Variants in RNF34 observed in about 807,000 individuals in gnomAD.
RNF34 encodes the protein ring finger protein 34, also known as E3 ubiquitin-protein ligase RNF34.
A neutral mutation model predicts 37.9 loss-of-function variants in RNF34; 12 were observed. That is an observed-to-expected ratio of 0.32 (90% CI 0.20 to 0.51). The LOEUF (loss-of-function observed/expected upper bound fraction) is 0.51, where lower values mean the gene tolerates loss of function less well. Ranked by LOEUF, RNF34 falls within the 20% of genes least tolerant of loss-of-function variation. RNF34 has a pLI of 0.97. For synonymous variants in RNF34, 155 were observed against 177.2 expected, an observed-to-expected ratio of 0.87 and a Z score of 1.00; for missense variants, 362 against 472.7, an observed-to-expected ratio of 0.77 and a Z score of 2.17.
rs782195428 is a variant in RNF34, at chr12:121,400,230, G to A, written c.6+12G>A. 1.9e-6 allele frequency: 3 copies of A among 1,608,686 alleles called. No individual in the cohort carries two copies. The South Asian group carries it at 3.3e-5, about 18-fold the overall frequency. On this transcript the variant is annotated intron_variant, in intron 1 of 5. Coordinates refer to ENST00000361234, the MANE Select transcript of RNF34 (RefSeq NM_025126.4). ...TCGCGGCCATGAAGGTGAGGGGCCG[G>A]TGGAGCCGGACAGACCCTCCTCGCC...
In RNF34 at chr12:121,417,620, G is replaced by C. The variant is rs916845526; in HGVS notation, c.342G>C (p.Gln114His). Residue 114 changes from glutamine to histidine, a missense_variant, in exon 3 of 6, where the codon CAG (glutamine) becomes CAC (histidine). Transcript: ENST00000361234. The surrounding 1 kb of genome is among the most constrained non-coding windows in gnomAD (Gnocchi z 5.0). ...AAGAGACAGCATTTCAGCGCCCTCA[G>C]TTAATGCGACTGAAGGTGAAGGACC... ...LLQETAFQRP[Q>H]LMRLKVKDLR... 18 of 1,614,088 alleles carry C rather than the reference G, an allele frequency of 1.1e-5. No homozygotes were observed. The highest frequency in any genetic ancestry group is 1.5e-5 in the Non-Finnish European group (18 of 1,180,036).
chr12:121,401,105 G>A (rs782512887), intron 1 of RNF34, among the ~76,000 whole-genome samples: 1 of 152,014 alleles, frequency 6.6e-6, no homozygotes, highest in South Asian at 2.1e-4. Context: ...TCTAGCAGGT[G>A]AGCTGCTAGA....
chr12:121,415,673 A>C lies in RNF34; in HGVS notation c.7-486A>C, dbSNP rs1426038548. On this transcript the variant is annotated intron_variant, in intron 1 of 5. Coordinates refer to ENST00000361234, the MANE Select transcript of RNF34 (RefSeq NM_025126.4). ...ATTGATGTTATTTCTGTTAAATAAT[A>C]GCTGAGAAAATCTGCCTTAGACTGT... Among the ~76,000 whole-genome samples the C allele has an allele frequency of 2.6e-5, 4 of 152,082 alleles. No homozygotes were observed. The East Asian group carries it at 7.7e-4, about 29-fold the overall frequency.
chr12:121,418,157 G>A (rs1871750720), intron 3 of RNF34: 2 of 502,264 alleles, frequency 4.0e-6, no homozygotes, highest in Non-Finnish European at 7.1e-6. Flanking sequence ...CTTGGCCTTA[G>A]TTAATTTCTC....
intron 1 of RNF34, among the ~76,000 whole-genome samples, chr12:121,409,255 T>G (rs1870827284): frequency 6.6e-6 from 1 of 152,152 alleles, no homozygotes; most frequent in Admixed American, 6.6e-5. Flanking sequence ...GCTGGGATTA[T>G]AGGCATGGAC....
rs1871678224 is a variant in RNF34 at position 121,417,451 on chromosome 12, T to C, written c.226-53T>C. The C allele has an allele frequency of 6.7e-7, 1 of 1,484,336 alleles. No homozygotes were observed. The highest frequency in any genetic ancestry group is 1.4e-5 in the African/African-American group (1 of 70,890). The allele number at this position is 1,484,336 out of a possible 1,614,324, so 91.9% of individuals were successfully genotyped here. A position where few individuals can be genotyped will look rare whatever the true frequency, so the allele number is the denominator to read the frequency against. ...TAGTAGAAGGCAGAAAGAAAACTCATGCTTTCATAATGGTTTATATCTTGC... is the reference window on the plus strand; with the variant it reads ...TAGTAGAAGGCAGAAAGAAAACTCACGCTTTCATAATGGTTTATATCTTGC... On this transcript the variant is annotated intron_variant, in intron 2 of 5. Transcript: ENST00000361234. The surrounding 1 kb of genome is among the most constrained non-coding windows in gnomAD (Gnocchi z 5.0).
chr12:121,404,162 A>ATT (rs372156640), intron 1 of RNF34, among the ~76,000 whole-genome samples: 1 of 144,050 alleles, frequency 6.9e-6, no homozygotes. Context: ...TGCCCGGCTA[A>ATT]TTTTTTTTTT....
chr12:121,423,701 G>C lies in RNF34; in HGVS notation c.*125G>C. On this transcript the variant is annotated 3_prime_UTR_variant, in exon 6 of 6. Transcript: ENST00000361234. This position sits in a 1 kb window ranked among gnomAD's most constrained non-coding sequence, Gnocchi z 4.3. ...TTTAAAACATTATTTTGACTACTAAGTGGGGACAGAAAGATCCATCCTGAG... is the reference window on the plus strand; with the variant it reads ...TTTAAAACATTATTTTGACTACTAACTGGGGACAGAAAGATCCATCCTGAG... 1 of 826,934 alleles carries C rather than the reference G, an allele frequency of 1.2e-6. No individual in the cohort carries two copies. The highest frequency in any genetic ancestry group is 1.9e-6 in the Non-Finnish European group (1 of 531,666). 51.2% of individuals were successfully genotyped at this position (826,934 alleles called of 1,614,324 possible). A position where few individuals can be genotyped will look rare whatever the true frequency, so the allele number is the denominator to read the frequency against.
intron 1 of RNF34, among the ~76,000 whole-genome samples, chr12:121,413,100 A>T (rs1871245776): frequency 6.6e-6 from 1 of 151,062 alleles, no homozygotes. Flanking sequence ...ATCTAGGCTC[A>T]CTGCAACCTC....
intron 5 of RNF34, among the ~76,000 whole-genome samples, chr12:121,421,316 CACTTGAGCCCAGGA>C (rs1479050384): frequency 4.7e-4 from 64 of 136,790 alleles, no homozygotes; most frequent in African/African-American, 1.7e-3. Context: ...GCAGGAGGAT[CACTTGAGCCCAGGA>C]GTTTGAGACC....
chr12:121,417,790 C>A lies in RNF34; in HGVS notation c.512C>A (p.Thr171Asn). ...AGTCTGAATTCTTCAAGGTCCCAGA[C>A]TTCTAGCTTTTTTACACGTTCGTTT... Reference protein sequence around the residue: ...TSSLNSSRSQTSSFFTRSFFS... With the variant: ...TSSLNSSRSQNSSFFTRSFFS... Residue 171 changes from threonine to asparagine, a missense_variant, in exon 3 of 6, where the codon ACT becomes AAT. By Grantham distance (65) the Thr-to-Asn change is moderately conservative (BLOSUM62 0). Transcript: ENST00000361234. This position sits in a 1 kb window ranked among gnomAD's most constrained non-coding sequence, Gnocchi z 5.0. The A allele has an allele frequency of 6.2e-7, 1 of 1,614,142 alleles. No homozygotes were observed. Among genetic ancestry groups the A allele is most frequent in the East Asian group, 2.2e-5 (1 of 44,892 alleles).
intron 1 of RNF34, chr12:121,415,402 C>G (rs1871467711): frequency 3.9e-6 from 1 of 254,536 alleles, no homozygotes. Flanking sequence ...AGGCAGATCA[C>G]TTGAGGCCAC....
intron 5 of RNF34, among the ~76,000 whole-genome samples, chr12:121,422,365 C>T (rs138143734): frequency 2.3e-4 from 35 of 152,172 alleles, no homozygotes; most frequent in Non-Finnish European, 4.7e-4. Context: ...CCTCTGCTTT[C>T]CTAAGTTCTA....
chr12:121,419,764 C>A (rs1335630964), intron 3 of RNF34: 3 of 152,996 alleles, frequency 2.0e-5, no homozygotes, highest in African/African-American at 7.2e-5. Context: ...GTCTAGAAAG[C>A]CTTCGTTGGA....
chr12:121,417,450 A>C lies in RNF34; in HGVS notation c.226-54A>C. On this transcript the variant is annotated intron_variant, in intron 2 of 5. Transcript: ENST00000361234. The surrounding 1 kb of genome is among the most constrained non-coding windows in gnomAD (Gnocchi z 5.0). ...TTAGTAGAAGGCAGAAAGAAAACTCATGCTTTCATAATGGTTTATATCTTG... is the reference window on the plus strand; with the variant it reads ...TTAGTAGAAGGCAGAAAGAAAACTCCTGCTTTCATAATGGTTTATATCTTG... The C allele has an allele frequency of 2.0e-6, 3 of 1,480,100 alleles. No individual in the cohort carries two copies. Among genetic ancestry groups the C allele is most frequent in the Non-Finnish European group, 2.7e-6 (3 of 1,095,640 alleles). The allele number at this position is 1,480,100 out of a possible 1,614,324, so 91.7% of individuals were successfully genotyped here. A position where few individuals can be genotyped will look rare whatever the true frequency, so the allele number is the denominator to read the frequency against.
At chr12:121,415,774 T>A (rs1490864374) in intron 1 of RNF34, among the ~76,000 whole-genome samples, 3 of 150,120 alleles carry the variant, frequency 2.0e-5, no homozygotes, top group African/African-American at 7.3e-5. Flanking sequence ...GAATTTCAGA[T>A]GAAAAACAAA....
intron 1 of RNF34, among the ~76,000 whole-genome samples, chr12:121,402,095 T>C (rs1870046948): frequency 6.6e-6 from 1 of 152,202 alleles, no homozygotes; most frequent in African/African-American, 2.4e-5. Context: ...TGAATGTTCA[T>C]GTAAGGAAAT....
chr12:121,420,773 A>C lies in RNF34; in HGVS notation c.923A>C (p.Lys308Thr). 1 of 1,609,754 alleles carries C rather than the reference A, an allele frequency of 6.2e-7. No individual in the cohort carries two copies. The highest frequency in any genetic ancestry group is 8.5e-7 in the Non-Finnish European group (1 of 1,176,114). The change falls in exon 5 of 6, where the codon AAG (lysine) becomes ACG (threonine). Residue 308 changes from lysine (K) to threonine (T), a missense_variant. Physicochemically the swap from Lys to Thr is moderately conservative, Grantham distance 78. Transcript: ENST00000361234. ...RLYKENEENQ[K>T]SYGERLQLQD... ...TACAAAGAGAATGAAGAAAACCAAA[A>C]GTCCTGTAGGTTTATCTTTTCATTT...
chr12:121,400,276 C>T (rs1305551009), intron 1 of RNF34, 58 bp downstream of exon 1: 2 of 1,580,370 alleles, frequency 1.3e-6, no homozygotes, highest in Non-Finnish European at 1.7e-6. Context: ...TGCCAGGGCA[C>T]CTGAAGCGCC....
Sources: gnomAD v4.1 joint callset for allele counts (sites outside exome capture counted in the v4.1 genomes callset) on GRCh38, gnomAD v4.1.1 for gene constraint, Gnocchi (gnomAD v3.1) non-coding constraint, MANE v1.5 for transcripts, NCBI Gene and HGNC (gene_info 2026-07-23, HGNC 2026-07-21) for gene names.